Variants in DYNC2LI1 observed in about 807,000 individuals in gnomAD.
DYNC2LI1 encodes the protein dynein cytoplasmic 2 light intermediate chain 1, also known as cytoplasmic dynein 2 light intermediate chain 1.
A neutral mutation model predicts 51.9 loss-of-function variants in DYNC2LI1; 45 were observed. The ratio of observed to expected loss-of-function variants is 0.87; its 90% CI spans 0.68 to 1.11. DYNC2LI1 has a LOEUF of 1.11. Among genes scored for constraint, DYNC2LI1 ranks in the 50% most tolerant of loss-of-function variants. The pLI is 0.00. For missense variants in DYNC2LI1, 490 were observed against 417.4 expected, an observed-to-expected ratio of 1.17 and a Z score of -1.51; for synonymous variants, 130 against 137.8, an observed-to-expected ratio of 0.94 and a Z score of 0.40.
intron 6 of DYNC2LI1, among the ~76,000 whole-genome samples, chr2:43,795,614 C>A (rs536550182): frequency 0.012 from 1,863 of 151,304 alleles, 44 homozygotes; most frequent in African/African-American, 0.042. Context: ...TAAAAAAAAA[C>A]CAGGAAGGTA....
At chr2:43,786,423 T>G (rs1463685576) in intron 3 of DYNC2LI1, among the ~76,000 whole-genome samples, 1 of 152,074 alleles carries the variant, frequency 6.6e-6, no homozygotes, top group Non-Finnish European at 1.5e-5. Context: ...CTCAAGCAAT[T>G]TACTCGCCTC....
Position 43,794,599 on chromosome 2 carries a change from G to T in DYNC2LI1, c.463G>T (p.Glu155Ter), listed in dbSNP as rs1186750700. 1 of 1,613,930 alleles carries T rather than the reference G, an allele frequency of 6.2e-7. No individual in the cohort carries two copies. Among genetic ancestry groups the T allele is most frequent in the Non-Finnish European group, 8.5e-7 (1 of 1,179,992 alleles). The stretch of plus-strand genomic sequence containing the variant: ...AAAGACAAATGCTAAAGCAGTTTCT[G>T]AAATGAGACAGAAGATCTGGAATAA... ...LGKTNAKAVS[E>*]MRQKIWNNMP... Residue 155 changes from glutamate (E) to a stop codon, truncating the protein, a stop_gained, in exon 6 of 13, where the codon GAA (glutamate) becomes TAA (stop). Coordinates refer to ENST00000260605, the MANE Select transcript of DYNC2LI1 (RefSeq NM_016008.4). LOFTEE classifies it high-confidence loss of function.
chr2:43,822,669 G>A, the DYNC2LI1 span: 1 of 1,556,216 alleles, frequency 6.4e-7, no homozygotes. Flanking sequence ...CATTGCACTA[G>A]ACACTGATGG....
At chr2:43,798,917 G>T (rs1024588758) in intron 8 of DYNC2LI1, among the ~76,000 whole-genome samples, 18 of 146,076 alleles carry the variant, frequency 1.2e-4, no homozygotes, top group African/African-American at 4.2e-4. Flanking sequence ...ATTTAGCAGG[G>T]TTTTTTTTTT....
intron 6 of DYNC2LI1, chr2:43,795,040 C>A (rs1673969077): frequency 9.4e-7 from 1 of 1,064,594 alleles, no homozygotes; most frequent in Non-Finnish European, 1.1e-6. Flanking sequence ...CCTTCACCAT[C>A]ACTCTGTATT....
chr2:43,795,822 A>T, intron 6 of DYNC2LI1, 68 bp from the exon 7 acceptor site: 1 of 1,190,846 alleles, frequency 8.4e-7, no homozygotes, highest in Non-Finnish European at 1.3e-6. Flanking sequence ...TTTTGGAAGT[A>T]AATAGAAATT....
chr2:43,800,658 G>A (rs910558194), intron 8 of DYNC2LI1, among the ~76,000 whole-genome samples, 183 bp from the exon 9 acceptor site: 2 of 152,126 alleles, frequency 1.3e-5, no homozygotes, highest in Non-Finnish European at 2.9e-5. Flanking sequence ...TTTGAAGAAC[G>A]AGTTAAAGTT....
chr2:43,824,130 C>T, the DYNC2LI1 span: 6 of 1,614,094 alleles, frequency 3.7e-6, no homozygotes, highest in Non-Finnish European at 4.2e-6. Flanking sequence ...TGAAAACAAA[C>T]AACCCTGTTT....
chr2:43,776,980 A>G (rs1165750838), intron 2 of DYNC2LI1, 81 bp downstream of exon 2: 3 of 751,360 alleles, frequency 4.0e-6, no homozygotes. Context: ...ATTAAAATGT[A>G]GATACTTCAA....
At chr2:43,817,179 G>A in the DYNC2LI1 span, among the ~76,000 whole-genome samples, 1 of 152,196 alleles carries the variant, frequency 6.6e-6, no homozygotes, top group Non-Finnish European at 1.5e-5. Context: ...CTTTGCAACT[G>A]CCTACCTTTT....
At chr2:43,824,745 C>T in the DYNC2LI1 span, 23 of 1,445,098 alleles carry the variant, frequency 1.6e-5, no homozygotes, top group East Asian at 5.0e-5. Flanking sequence ...TTCATTGACC[C>T]GGCCAAATTG....
At chr2:43,813,725 T>G (rs1666632865), downstream of DYNC2LI1, among the ~76,000 whole-genome samples, 1 of 134,840 alleles carries the variant, frequency 7.4e-6, no homozygotes, top group Admixed American at 7.5e-5. Context: ...TTTTTTTTTT[T>G]TTTTTTTTTT....
downstream of DYNC2LI1, among the ~76,000 whole-genome samples, chr2:43,814,891 C>T (rs562564093): frequency 2.6e-5 from 4 of 152,306 alleles, no homozygotes; most frequent in East Asian, 7.7e-4. Flanking sequence ...TTCTGCCAAA[C>T]ATATGTCTCA....
rs75321894 is a variant in DYNC2LI1, at chr2:43,798,128, T to G, written c.654+1333T>G. On this transcript the variant is annotated intron_variant, in intron 8 of 12. Transcript: ENST00000260605. ...GGCTTGTCTCAAAAAAAAAAAAATT[T>G]CCTTTACATTTGAATAATTATTTAA... Among the ~76,000 whole-genome samples the G allele has an allele frequency of 6.6e-3, 1,007 of 152,138 alleles. 13 individuals are homozygous for G. The highest frequency in any genetic ancestry group is 0.023 in the African/African-American group (953 of 41,522).
chr2:43,800,321 G>C (rs1465822096), intron 8 of DYNC2LI1, among the ~76,000 whole-genome samples: 1 of 152,084 alleles, frequency 6.6e-6, no homozygotes, highest in Non-Finnish European at 1.5e-5. Flanking sequence ...AATTTAAAAA[G>C]AAGTTAAAAA....
chr2:43,797,693 T>A (rs1379717798), intron 8 of DYNC2LI1, among the ~76,000 whole-genome samples: 1 of 151,942 alleles, frequency 6.6e-6, no homozygotes. Flanking sequence ...CTAATTTTTG[T>A]ATTTTTAATA....
chr2:43,798,764 T>A (rs1665976501), intron 8 of DYNC2LI1, among the ~76,000 whole-genome samples: 1 of 152,232 alleles, frequency 6.6e-6, no homozygotes, highest in African/African-American at 2.4e-5. Flanking sequence ...GGAGTACTTC[T>A]GGACCACCAA....
At chr2:43,774,463 A>C (rs953920237) in intron 1 of DYNC2LI1, among the ~76,000 whole-genome samples, 1 of 152,168 alleles carries the variant, frequency 6.6e-6, no homozygotes, top group Non-Finnish European at 1.5e-5. Flanking sequence ...TAGACCACAA[A>C]GCCTCCTCTC....
intron 4 of DYNC2LI1, among the ~76,000 whole-genome samples, chr2:43,788,453 A>T (rs1166146391): frequency 6.6e-6 from 1 of 152,164 alleles, no homozygotes; most frequent in Non-Finnish European, 1.5e-5. Flanking sequence ...TTCTGGAAGC[A>T]TCATGTCTTT....
Sources: gnomAD v4.1 joint callset for allele counts (sites outside exome capture counted in the v4.1 genomes callset) on GRCh38, gnomAD v4.1.1 for gene constraint, MANE v1.5 for transcripts, NCBI Gene and HGNC (gene_info 2026-07-23, HGNC 2026-07-21) for gene names.